Variants in MGAT4A observed in about 807,000 individuals in gnomAD.
MGAT4A encodes alpha-1,3-mannosyl-glycoprotein 4-beta-N-acetylglucosaminyltransferase A.
A neutral mutation model predicts 74.1 loss-of-function variants in MGAT4A; 33 were observed. The observed-to-expected ratio is 0.45, with a 90% CI of 0.34 to 0.60. The LOEUF is 0.60. Among genes scored for constraint, MGAT4A ranks in the 20% least tolerant of loss-of-function variants. The pLI, the probability that MGAT4A is intolerant of heterozygous loss-of-function variation, is 0.02. For synonymous variants in MGAT4A, 198 were observed against 210.4 expected, an observed-to-expected ratio of 0.94 and a Z score of 0.51; for missense variants, 479 against 628.3, an observed-to-expected ratio of 0.76 and a Z score of 2.54.
At position 98,678,355 on chromosome 2, in the gene MGAT4A, GCTTGAA is replaced by G; in HGVS notation, c.205_210del (p.Phe69_Lys70del). 6.4e-7 allele frequency: 1 copy of G among 1,550,518 alleles called. No individual in the cohort carries two copies. The highest frequency in any genetic ancestry group is 2.3e-5 in the East Asian group (1 of 44,260). On this transcript the variant is annotated inframe_deletion, in exon 3 of 16. Coordinates refer to ENST00000393487, the MANE Select transcript of MGAT4A (RefSeq NM_012214.3). ...CTTCCATTTGTTTCTGCTCCTACAC[GCTTGAA>G]CTGTTGCACAATCGTATTTAATTCA...
At chr2:98,730,514 C>T (rs1247182569) in intron 1 of MGAT4A, among the ~76,000 whole-genome samples, 2 of 152,222 alleles carry the variant, frequency 1.3e-5, no homozygotes, top group Non-Finnish European at 2.9e-5. Flanking sequence ...GGAGCAGCCC[C>T]TGCCCCTGCG....
chr2:98,656,072 A>C (rs1360544313), intron 7 of MGAT4A: 2 of 358,094 alleles, frequency 5.6e-6, no homozygotes, highest in Admixed American at 9.4e-5. Context: ...ACAGTATTAA[A>C]CCCTGTCAGT....
intron 2 of MGAT4A, among the ~76,000 whole-genome samples, chr2:98,680,367 A>G (rs1559167539): frequency 2.0e-5 from 3 of 152,278 alleles, no homozygotes; most frequent in South Asian, 2.1e-4. Context: ...TTAATTTAAC[A>G]TTATAATTTC....
At chr2:98,725,589 G>T (rs1335629606) in intron 2 of MGAT4A, among the ~76,000 whole-genome samples, 2 of 150,246 alleles carry the variant, frequency 1.3e-5, no homozygotes, top group African/African-American at 2.5e-5. Context: ...AAGAAGTATG[G>T]GTAGGAATTT....
rs545381430 is a variant in MGAT4A, at chr2:98,624,392, A to G, written c.*1174T>C. The G allele has an allele frequency of 2.1e-6, 2 of 953,780 alleles. No homozygotes were observed. Among genetic ancestry groups the G allele is most frequent in the South Asian group, 9.7e-5 (2 of 20,620 alleles). The allele number at this position is 953,780 out of a possible 1,614,324, so 59.1% of individuals were successfully genotyped here. ...GTAATATTCTTTGTTTATAGTAGTA[A>G]TATCATTTGGAATAGCGTGTTTAAG... On this transcript the variant is annotated 3_prime_UTR_variant, in exon 16 of 16. Transcript: ENST00000393487.
At chr2:98,699,552 A>G (rs548870879) in intron 2 of MGAT4A, among the ~76,000 whole-genome samples, 2 of 152,268 alleles carry the variant, frequency 1.3e-5, no homozygotes, top group South Asian at 4.2e-4. Context: ...ATGCCAAGCA[A>G]TAAGTAACAA....
At chr2:98,679,361 G>A (rs561768887) in intron 2 of MGAT4A, among the ~76,000 whole-genome samples, 25 of 143,578 alleles carry the variant, frequency 1.7e-4, no homozygotes, top group African/African-American at 6.1e-4. Flanking sequence ...AGCTGAGATC[G>A]CGCCACTGCA....
At chr2:98,724,649 T>C (rs933899187) in intron 2 of MGAT4A, among the ~76,000 whole-genome samples, 2 of 152,176 alleles carry the variant, frequency 1.3e-5, no homozygotes, top group African/African-American at 4.8e-5. Flanking sequence ...AGCTTAATAA[T>C]TATGCTTATT....
At position 98,652,074 on chromosome 2, in the gene MGAT4A, A is replaced by C. The variant is rs369361162; in HGVS notation, c.774+3371T>G. ...GAGGTCTCAGATATATGAAGTCAAC[A>C]CTGACAGAATTGAAAGAAGAAACAA... On this transcript the variant is annotated intron_variant, in intron 8 of 15. Transcript: ENST00000393487. 9.5e-4 allele frequency among the ~76,000 whole-genome samples: 144 copies of C among 152,330 alleles called. 4 individuals carry two copies. The South Asian group carries it at 0.027, about 29-fold the overall frequency.
intron 14 of MGAT4A, among the ~76,000 whole-genome samples, chr2:98,628,850 C>G (rs1172866449): frequency 1.3e-5 from 2 of 152,066 alleles, no homozygotes; most frequent in Non-Finnish European, 2.9e-5. Flanking sequence ...TCATTGTGAT[C>G]TGCAGTACTC....
At chr2:98,625,628 G>A (rs768068466) in intron 15 of MGAT4A, 36 bp from the exon 16 acceptor site, 1 of 1,579,336 alleles carries the variant, frequency 6.3e-7, no homozygotes, top group Non-Finnish European at 8.6e-7. Context: ...TGATAAAGCT[G>A]TTAATTCTCA....
At chr2:98,649,625 T>C (rs1208360178) in intron 8 of MGAT4A, among the ~76,000 whole-genome samples, 3 of 152,068 alleles carry the variant, frequency 2.0e-5, no homozygotes, top group Non-Finnish European at 4.4e-5. Context: ...GGAGCTCCAG[T>C]ACTGCAGCTT....
At chr2:98,635,988 AAAAAT>A (rs201089786) in intron 13 of MGAT4A, among the ~76,000 whole-genome samples, 2,399 of 140,718 alleles carry the variant, frequency 0.017, 49 homozygotes, top group East Asian at 0.091. Context: ...TCTGTCTCAA[AAAAAT>A]AAAATAAAAT....
intron 2 of MGAT4A, among the ~76,000 whole-genome samples, chr2:98,711,922 C>G (rs1220812908): frequency 6.6e-6 from 1 of 152,214 alleles, no homozygotes; most frequent in Non-Finnish European, 1.5e-5. Context: ...CCACACACAG[C>G]AGGATATTTT....
chr2:98,699,689 C>A (rs1702324930), intron 2 of MGAT4A, among the ~76,000 whole-genome samples: 1 of 151,810 alleles, frequency 6.6e-6, no homozygotes, highest in South Asian at 2.1e-4. Flanking sequence ...TATTATGGAC[C>A]CACTACAATT....
At chr2:98,670,389 G>A (rs1701896706) in intron 4 of MGAT4A, among the ~76,000 whole-genome samples, 1 of 152,124 alleles carries the variant, frequency 6.6e-6, no homozygotes, top group Non-Finnish European at 1.5e-5. Context: ...CATGAGATAG[G>A]TAAGGCCCCT....
chr2:98,667,700 T>TTGTTGTTGC (rs1559164165), intron 4 of MGAT4A, among the ~76,000 whole-genome samples: 2 of 124,256 alleles, frequency 1.6e-5, no homozygotes, highest in African/African-American at 5.8e-5. Context: ...TCAGTTTTTG[T>TTGTTGTTGC]TGTTGTTGTT....
chr2:98,682,520 T>C (rs964493587), intron 2 of MGAT4A, among the ~76,000 whole-genome samples: 1 of 146,842 alleles, frequency 6.8e-6, no homozygotes, highest in Non-Finnish European at 1.5e-5. Flanking sequence ...AACTAACAGG[T>C]GAAAGTCTAA....
intron 10 of MGAT4A, among the ~76,000 whole-genome samples, chr2:98,641,260 C>T (rs1701404115): frequency 6.6e-6 from 1 of 152,040 alleles, no homozygotes. Context: ...GTGGCTCACG[C>T]CTGCAATACC....
Sources: gnomAD v4.1 joint callset for allele counts (sites outside exome capture counted in the v4.1 genomes callset) on GRCh38, gnomAD v4.1.1 for gene constraint, MANE v1.5 for transcripts, NCBI Gene and HGNC (gene_info 2026-07-23, HGNC 2026-07-21) for gene names.